The following GALNT18 variants were observed in gnomAD, a reference collection of about 807,000 sequenced individuals.
GALNT18 encodes polypeptide N-acetylgalactosaminyltransferase 18, also known as GalNAc-transferase 18.
GALNT18 carries 44 observed loss-of-function variants against 69.5 expected under a neutral mutation model. The ratio of observed to expected loss-of-function variants is 0.63; its 90% CI spans 0.50 to 0.81. The LOEUF (loss-of-function observed/expected upper bound fraction) is 0.81. Among genes scored for constraint, GALNT18 ranks in the 40% least tolerant of loss-of-function variants. The pLI, the probability that GALNT18 is intolerant of heterozygous loss-of-function variation, is 0.00. For missense variants in GALNT18, 715 were observed against 810.0 expected (o/e 0.88, Z 1.42); for synonymous variants, 364 against 318.2 (o/e 1.14, Z -1.53).
chr11:11,556,402 G>A (rs766432114), intron 1 of GALNT18, among the ~76,000 whole-genome samples: 1 of 152,212 alleles, frequency 6.6e-6, no homozygotes, highest in Non-Finnish European at 1.5e-5. Flanking sequence ...GGGGTAAGTC[G>A]CCAACATGGC....
chr11:11,353,093 G>A lies in GALNT18; in HGVS notation c.1093-12089C>T, dbSNP rs559030633. ...GTGTATTAACATCTGTGTAAACTCTGGCCCTGCTTGGCACGGGTCCCGACA... is the reference window on the plus strand; with the variant it reads ...GTGTATTAACATCTGTGTAAACTCTAGCCCTGCTTGGCACGGGTCCCGACA... On this transcript the variant is annotated intron_variant, in intron 6 of 10. Coordinates refer to ENST00000227756, the MANE Select transcript of GALNT18 (RefSeq NM_198516.3). 396 of 1,614,120 alleles carry A rather than the reference G, an allele frequency of 2.5e-4. 1 individual carries two copies. In the African/African-American group the frequency reaches 4.6e-3, roughly 19 times the overall value.
intron 1 of GALNT18, among the ~76,000 whole-genome samples, chr11:11,593,054 T>TA (rs1859396411): frequency 6.6e-6 from 1 of 152,188 alleles, no homozygotes. Flanking sequence ...TAGCTGGGAC[T>TA]ACAGGCACCC....
chr11:11,354,195 G>A (rs778142827), intron 6 of GALNT18, among the ~76,000 whole-genome samples: 16 of 152,156 alleles, frequency 1.1e-4, no homozygotes, highest in Non-Finnish European at 1.6e-4. Context: ...GAAAGTCACC[G>A]ATAGCAAACT....
intron 9 of GALNT18, among the ~76,000 whole-genome samples, chr11:11,312,061 G>A (rs570895447): frequency 2.6e-5 from 4 of 152,232 alleles, no homozygotes; most frequent in South Asian, 2.1e-4. Context: ...GGTTCACGCC[G>A]TTCTCCTGTC....
At chr11:11,460,298 C>A (rs971446531) in intron 1 of GALNT18, among the ~76,000 whole-genome samples, 1 of 152,128 alleles carries the variant, frequency 6.6e-6, no homozygotes, top group Non-Finnish European at 1.5e-5. Context: ...GTGGCTTTTC[C>A]CATCTATTAA....
chr11:11,516,301 C>T (rs1010877250), intron 1 of GALNT18, among the ~76,000 whole-genome samples: 3 of 152,182 alleles, frequency 2.0e-5, no homozygotes, highest in Non-Finnish European at 4.4e-5. Context: ...GCAAAGAAGG[C>T]CTGGACTTAA....
rs145247398 is a variant in GALNT18, at chr11:11,435,579, G to A, written c.429-2792C>T. Among the ~76,000 whole-genome samples, 1 of 152,182 alleles carries A rather than the reference G, an allele frequency of 6.6e-6. No individual in the cohort carries two copies. Among genetic ancestry groups the A allele is most frequent in the Non-Finnish European group, 1.5e-5 (1 of 68,040 alleles). ...TCTCTACTAGAATGAAGCCCCCTGA[G>A]AGCAGGAACTTTGCTTTTGGACTGT... On this transcript the variant is annotated intron_variant, in intron 2 of 10. Transcript: ENST00000227756. This position sits in a 1 kb window ranked among gnomAD's most constrained non-coding sequence, Gnocchi z 4.4.
chr11:11,472,629 A>C (rs751072530), intron 1 of GALNT18, among the ~76,000 whole-genome samples: 7 of 152,216 alleles, frequency 4.6e-5, no homozygotes, highest in Non-Finnish European at 1.0e-4. Flanking sequence ...GTCTAGTTAG[A>C]GTAATAAAAC....
rs934086600 is a variant in GALNT18, at chr11:11,413,839, G to C, written c.595+18782C>G. On this transcript the variant is annotated intron_variant, in intron 3 of 10. Transcript: ENST00000227756. This position sits in a 1 kb window ranked among gnomAD's most constrained non-coding sequence, Gnocchi z 4.7. ...ACCTCTTCCGAGAGCCTGGGTATCC[G>C]CTCTGTTCAGCAGTGCCCATCTATC... Among the ~76,000 whole-genome samples, 1 of 152,198 alleles carries C rather than the reference G, an allele frequency of 6.6e-6. No homozygotes were observed. The highest frequency in any genetic ancestry group is 1.5e-5 in the Non-Finnish European group (1 of 68,030).
At chr11:11,368,023 T>C (rs1033402158) in intron 6 of GALNT18, among the ~76,000 whole-genome samples, 46 of 152,340 alleles carry the variant, frequency 3.0e-4, no homozygotes, top group African/African-American at 1.1e-3. Context: ...GCTGGACACC[T>C]GTAACCTATT....
rs141950326 is a variant in GALNT18, at chr11:11,454,361, T to C, written c.236-5425A>G. ...CTCCACTGCTCTCCCAGGACTCCTC[T>C]GTAAATCTCTTATACCAGAGAATTA... On this transcript the variant is annotated intron_variant, in intron 1 of 10. Coordinates refer to ENST00000227756, the MANE Select transcript of GALNT18 (RefSeq NM_198516.3). This position sits in a 1 kb window ranked among gnomAD's most constrained non-coding sequence, Gnocchi z 4.2. 6.6e-6 allele frequency among the ~76,000 whole-genome samples: 1 copy of C among 152,282 alleles called. No individual in the cohort carries two copies. Among genetic ancestry groups the C allele is most frequent in the East Asian group, 1.9e-4 (1 of 5,178 alleles).
At chr11:11,371,246 G>A (rs1395562374) in intron 6 of GALNT18, among the ~76,000 whole-genome samples, 1 of 152,236 alleles carries the variant, frequency 6.6e-6, no homozygotes, top group Non-Finnish European at 1.5e-5. Flanking sequence ...ATTGTGAGAT[G>A]CTCACTGTGG....
intron 6 of GALNT18, among the ~76,000 whole-genome samples, chr11:11,350,959 C>G (rs1222622135): frequency 6.6e-6 from 1 of 152,168 alleles, no homozygotes. Flanking sequence ...CTGTTTCAGT[C>G]TGTGATGCTG....
rs903740348 is a variant in GALNT18 at position 11,540,315 on chromosome 11, C to G, written c.235+81044G>C. ...GTGCAGGATAAATGTTTTTCTTCGTCGTTGCCATGGAAACTTGTGACTCCT... is the reference window on the plus strand; with the variant it reads ...GTGCAGGATAAATGTTTTTCTTCGTGGTTGCCATGGAAACTTGTGACTCCT... On this transcript the variant is annotated intron_variant, in intron 1 of 10. Coordinates refer to ENST00000227756, the MANE Select transcript of GALNT18 (RefSeq NM_198516.3). The surrounding 1 kb of genome is among the most constrained non-coding windows in gnomAD (Gnocchi z 4.6). Among the ~76,000 whole-genome samples the G allele has an allele frequency of 2.0e-5, 3 of 152,122 alleles. No homozygotes were observed. The highest frequency in any genetic ancestry group is 7.2e-5 in the African/African-American group (3 of 41,410).
At position 11,563,660 on chromosome 11, in the gene GALNT18, G is replaced by T. The variant is rs916703901; in HGVS notation, c.235+57699C>A. Among the ~76,000 whole-genome samples the T allele has an allele frequency of 6.6e-6, 1 of 152,144 alleles. No homozygotes were observed. The highest frequency in any genetic ancestry group is 2.4e-5 in the African/African-American group (1 of 41,436). ...GGCTAGCTTGTGGTTGCTGGTGGGG[G>T]CCCCACAGCCGGCAAGTGGGATTCA... On this transcript the variant is annotated intron_variant, in intron 1 of 10. Coordinates refer to ENST00000227756, the MANE Select transcript of GALNT18 (RefSeq NM_198516.3). The surrounding 1 kb of genome is among the most constrained non-coding windows in gnomAD (Gnocchi z 4.6).
intron 9 of GALNT18, among the ~76,000 whole-genome samples, chr11:11,295,725 T>C (rs1438139692): frequency 6.6e-6 from 1 of 152,100 alleles, no homozygotes; most frequent in Non-Finnish European, 1.5e-5. Flanking sequence ...CTTTACAAGT[T>C]ATCAAGCTTG....
rs556430796 is a variant in GALNT18, at chr11:11,320,021, T to C, written c.1512+7065A>G. On this transcript the variant is annotated intron_variant, in intron 9 of 10. Coordinates refer to ENST00000227756, the MANE Select transcript of GALNT18 (RefSeq NM_198516.3). The surrounding 1 kb of genome is among the most constrained non-coding windows in gnomAD (Gnocchi z 4.9). ...ACTACTATATTCTCTCTTATGCTGC[T>C]ACAAGCCAAGGGACCACCAACCACC... Among the ~76,000 whole-genome samples, 1 of 152,302 alleles carries C rather than the reference T, an allele frequency of 6.6e-6. No homozygotes were observed. Among genetic ancestry groups the C allele is most frequent in the South Asian group, 2.1e-4 (1 of 4,818 alleles).
Position 11,271,063 on chromosome 11 carries a change from A to ACAACCC in GALNT18, c.*75_*80dup. The ACAACCC allele has an allele frequency of 1.4e-6, 2 of 1,379,866 alleles. No individual in the cohort carries two copies. Among genetic ancestry groups the ACAACCC allele is most frequent in the Non-Finnish European group, 2.0e-6 (2 of 1,014,234 alleles). 85.5% of individuals were successfully genotyped at this position (1,379,866 alleles called of 1,614,324 possible). A position where few individuals can be genotyped will look rare whatever the true frequency, so the allele number is the denominator to read the frequency against. On this transcript the variant is annotated 3_prime_UTR_variant, in exon 11 of 11. Transcript: ENST00000227756. Reference sequence around the variant, plus strand: ...ACTAACCTGGTTCCCCAGACTCCAAACAACCCCACGTGGACAGCAGGCAAC... The same window carrying ACAACCC: ...ACTAACCTGGTTCCCCAGACTCCAAACAACCCCAACCCCACGTGGACAGCAGGCAAC...
chr11:11,468,613 A>G (rs145758659), intron 1 of GALNT18, among the ~76,000 whole-genome samples: 241 of 151,912 alleles, frequency 1.6e-3, no homozygotes, highest in Non-Finnish European at 2.5e-3. Flanking sequence ...GGTTGCTGGG[A>G]GTCAAAGCCA....
Sources: gnomAD v4.1 joint callset for allele counts (sites outside exome capture counted in the v4.1 genomes callset) on GRCh38, gnomAD v4.1.1 for gene constraint, Gnocchi (gnomAD v3.1) non-coding constraint, MANE v1.5 for transcripts, NCBI Gene and HGNC (gene_info 2026-07-23, HGNC 2026-07-21) for gene names.